Variants in ITPK1 observed in about 807,000 individuals in gnomAD.
The protein encoded by ITPK1 is inositol-tetrakisphosphate 1-kinase, also known as inositol 1,3,4-trisphosphate 5/6-kinase.
A neutral mutation model predicts 45.3 loss-of-function variants in ITPK1; 21 were observed. The ratio of observed to expected loss-of-function variants is 0.46; its 90% confidence interval spans 0.33 to 0.67. The LOEUF (loss-of-function observed/expected upper bound fraction) is 0.67. Ranked by LOEUF, ITPK1 falls within the 30% of genes least tolerant of loss-of-function variation. The pLI, the probability that ITPK1 is intolerant of heterozygous loss-of-function variation, is 0.02. For missense variants in ITPK1, 474 were observed against 573.5 expected (o/e 0.83, Z 1.77); for synonymous variants, 258 against 253.6 (o/e 1.02, Z -0.16).
chr14:93,026,040 G>C (rs1682339071), intron 3 of ITPK1, among the ~76,000 whole-genome samples: 1 of 152,182 alleles, frequency 6.6e-6, no homozygotes, highest in Admixed American at 6.5e-5. Flanking sequence ...GGAGGTTGAG[G>C]CAGGAGGGTG....
At chr14:92,949,251 G>C (rs1466789908) in intron 9 of ITPK1, among the ~76,000 whole-genome samples, 4 of 152,072 alleles carry the variant, frequency 2.6e-5, no homozygotes. Flanking sequence ...GCAACACTAC[G>C]CCCTGCTAAT....
intron 3 of ITPK1, among the ~76,000 whole-genome samples, chr14:93,057,810 A>C (rs1890271928): frequency 6.6e-6 from 1 of 151,994 alleles, no homozygotes; most frequent in Non-Finnish European, 1.5e-5. Flanking sequence ...CCCACCAGGC[A>C]CCCTCCTGGT....
intron 2 of ITPK1, among the ~76,000 whole-genome samples, chr14:93,097,224 C>A (rs192226233): frequency 0.18 from 26,830 of 152,084 alleles, 2,460 homozygotes; most frequent in South Asian, 0.28. Flanking sequence ...AGGCCCTTTG[C>A]AATGACTTTG....
rs926750644 is a variant in ITPK1 at position 93,034,339 on chromosome 14, G to C, written c.121-17538C>G. Among the ~76,000 whole-genome samples, 10 of 151,812 alleles carry C rather than the reference G, an allele frequency of 6.6e-5. No individual in the cohort carries two copies. Among genetic ancestry groups the C allele is most frequent in the African/African-American group, 2.4e-4 (10 of 41,320 alleles). On this transcript the variant is annotated intron_variant, in intron 3 of 10. Transcript: ENST00000267615. This position sits in a 1 kb window ranked among gnomAD's most constrained non-coding sequence, Gnocchi z 4.1. Reference sequence around the variant, plus strand: ...ACCCTGACCAGAGGCAAAGTGACTGGGCTCACAAAATGCAAAAAGGCTCCT... The same window carrying C: ...ACCCTGACCAGAGGCAAAGTGACTGCGCTCACAAAATGCAAAAAGGCTCCT...
At chr14:93,090,497 A>G (rs1326381938) in intron 2 of ITPK1, among the ~76,000 whole-genome samples, 1 of 152,122 alleles carries the variant, frequency 6.6e-6, no homozygotes, top group Non-Finnish European at 1.5e-5. Context: ...TGCCAACCCT[A>G]AATGTCCAGC....
chr14:93,085,183 C>T (rs1204420065), intron 2 of ITPK1, among the ~76,000 whole-genome samples: 1 of 152,304 alleles, frequency 6.6e-6, no homozygotes, highest in East Asian at 1.9e-4. Flanking sequence ...TGAAATGGCC[C>T]GATATAAAGA....
In ITPK1 at chr14:93,076,687, C is replaced by T. The variant is rs540595614; in HGVS notation, c.96-68G>A. The T allele has an allele frequency of 3.1e-5, 50 of 1,599,712 alleles. No individual in the cohort carries two copies. The highest frequency in any genetic ancestry group is 7.7e-5 in the South Asian group (7 of 90,714). ...TGGACACGTCCTTTCCGAAGGTTCC[C>T]GACAGCCGGCTGAGGGCAGGACCAT... On this transcript the variant is annotated intron_variant, in intron 2 of 10. Transcript: ENST00000267615. This position sits in a 1 kb window ranked among gnomAD's most constrained non-coding sequence, Gnocchi z 4.3.
At chr14:93,086,036 G>C (rs1256347637) in intron 2 of ITPK1, among the ~76,000 whole-genome samples, 1 of 152,076 alleles carries the variant, frequency 6.6e-6, no homozygotes, top group Non-Finnish European at 1.5e-5. Context: ...GATTCAGTTG[G>C]TTCTCTTCAC....
At chr14:92,946,180 A>T in intron 10 of ITPK1, 151 bp downstream of exon 10, 1 of 851,898 alleles carries the variant, frequency 1.2e-6, no homozygotes, top group Non-Finnish European at 1.9e-6. Flanking sequence ...CGCGCAGGTG[A>T]GGCTGAGGCT....
chr14:92,947,901 G>C (rs970959749), intron 9 of ITPK1, among the ~76,000 whole-genome samples: 3 of 152,186 alleles, frequency 2.0e-5, no homozygotes, highest in African/African-American at 7.2e-5. Context: ...TACTCAAACG[G>C]ATGCTGTCCA....
chr14:93,099,577 G>A (rs1595215595), intron 2 of ITPK1, among the ~76,000 whole-genome samples: 1 of 152,176 alleles, frequency 6.6e-6, no homozygotes, highest in Non-Finnish European at 1.5e-5. Flanking sequence ...CTGGCTGCTG[G>A]GCGCAGCCAG....
At chr14:93,085,511 A>G (rs1179911361) in intron 2 of ITPK1, among the ~76,000 whole-genome samples, 1 of 151,948 alleles carries the variant, frequency 6.6e-6, no homozygotes, top group Non-Finnish European at 1.5e-5. Context: ...GAACAGGCAC[A>G]AGAGAGAGAC....
intron 5 of ITPK1, among the ~76,000 whole-genome samples, chr14:92,971,617 A>G (rs763640934): frequency 5.9e-5 from 9 of 152,212 alleles, no homozygotes; most frequent in Non-Finnish European, 2.9e-5. Flanking sequence ...CCCAGCACTG[A>G]TGCCACAATG....
At chr14:93,008,363 T>G (rs1887722489) in intron 4 of ITPK1, among the ~76,000 whole-genome samples, 1 of 150,144 alleles carries the variant, frequency 6.7e-6, no homozygotes, top group African/African-American at 2.5e-5. Flanking sequence ...CCAGGTCTTA[T>G]TCATTGTTGC....
At chr14:92,989,677 C>T (rs1307693734) in intron 5 of ITPK1, among the ~76,000 whole-genome samples, 1 of 152,150 alleles carries the variant, frequency 6.6e-6, no homozygotes. Flanking sequence ...CGGCCTCCTC[C>T]CTCCCTCCCC....
chr14:93,086,543 G>A lies in ITPK1; in HGVS notation c.96-9924C>T, dbSNP rs1179675609. 2.0e-5 allele frequency among the ~76,000 whole-genome samples: 3 copies of A among 152,248 alleles called. No homozygotes were observed. The East Asian group carries it at 5.8e-4, about 29-fold the overall frequency. On this transcript the variant is annotated intron_variant, in intron 2 of 10. Coordinates refer to ENST00000267615, the MANE Select transcript of ITPK1 (RefSeq NM_014216.6). ...GGCCTGGGACCAGAGGGGGACCCCA[G>A]ACCGCAAACCCTGCCCCGAGATGCT...
At chr14:93,038,976 C>T (rs1889437817) in intron 3 of ITPK1, among the ~76,000 whole-genome samples, 1 of 152,222 alleles carries the variant, frequency 6.6e-6, no homozygotes, top group African/African-American at 2.4e-5. Context: ...AAACCTGTGA[C>T]CTATTTCTTG....
intron 2 of ITPK1, among the ~76,000 whole-genome samples, chr14:93,086,975 T>A (rs1232339627): frequency 1.3e-5 from 2 of 152,246 alleles, no homozygotes; most frequent in Non-Finnish European, 2.9e-5. Flanking sequence ...GGCCTTGACC[T>A]TGACCCTGAC....
At chr14:92,948,626 C>A (rs1352964486) in intron 9 of ITPK1, among the ~76,000 whole-genome samples, 1 of 151,934 alleles carries the variant, frequency 6.6e-6, no homozygotes, top group Non-Finnish European at 1.5e-5. Flanking sequence ...GTGTGAGCCG[C>A]TGTGCCAGGT....
Sources: gnomAD v4.1 joint callset for allele counts (sites outside exome capture counted in the v4.1 genomes callset) on GRCh38, gnomAD v4.1.1 for gene constraint, Gnocchi (gnomAD v3.1) non-coding constraint, MANE v1.5 for transcripts, NCBI Gene and HGNC (gene_info 2026-07-23, HGNC 2026-07-21) for gene names.